The following POMK variants were observed in gnomAD, a reference collection of about 807,000 sequenced individuals.
The protein encoded by POMK is Sugen kinase 196.
A neutral mutation model predicts 23.0 loss-of-function variants in POMK; 19 were observed. The ratio of observed to expected loss-of-function variants is 0.83; its 90% CI spans 0.58 to 1.21. POMK has a LOEUF of 1.21. Ranked by LOEUF, POMK falls within the 50% of genes most tolerant of loss-of-function variation. The probability of loss-of-function intolerance (pLI) is 0.00; values close to 1 mark genes in which losing one functional copy is unlikely to be tolerated. For synonymous variants in POMK, 173 were observed against 171.6 expected (o/e 1.01, Z -0.06); for missense variants, 410 against 431.3 (o/e 0.95, Z 0.44).
At chr8:43,116,671 A>G (rs558961166) in intron 4 of POMK, among the ~76,000 whole-genome samples, 2 of 152,370 alleles carry the variant, frequency 1.3e-5, no homozygotes, top group Non-Finnish European at 2.9e-5. Context: ...GATCCCCCAC[A>G]TAATAAGAAA....
chr8:43,117,578 A>G (rs1811825179), intron 4 of POMK, among the ~76,000 whole-genome samples: 1 of 152,232 alleles, frequency 6.6e-6, no homozygotes, highest in African/African-American at 2.4e-5. Flanking sequence ...AAGAGCTCCC[A>G]GTAATTAATA....
intron 1 of POMK, among the ~76,000 whole-genome samples, chr8:43,096,671 CAAAAAAAGAAAAAAGA>C (rs1342078336): frequency 6.8e-6 from 1 of 147,872 alleles, no homozygotes; most frequent in African/African-American, 2.5e-5. Context: ...GACTCCTTCT[CAAAAAAAGAAAAAAGA>C]AAAAAAAGAA....
At chr8:43,096,184 A>G (rs1375611324) in intron 1 of POMK, among the ~76,000 whole-genome samples, 2 of 152,230 alleles carry the variant, frequency 1.3e-5, no homozygotes, top group Non-Finnish European at 2.9e-5. Flanking sequence ...GGGCCTGGGT[A>G]TCCCAGAAAG....
At chr8:43,117,527 C>T (rs188930615) in intron 4 of POMK, among the ~76,000 whole-genome samples, 6 of 152,088 alleles carry the variant, frequency 3.9e-5, no homozygotes, top group Admixed American at 3.3e-4. Flanking sequence ...AGTGGAACTG[C>T]GCAGTTCAAA....
chr8:43,117,315 A>G (rs1444901313), intron 4 of POMK, among the ~76,000 whole-genome samples: 1 of 152,232 alleles, frequency 6.6e-6, no homozygotes. Context: ...GAGAAATGTT[A>G]TTAAGAAAAA....
chr8:43,101,417 CAAAA>C (rs1156411465), intron 2 of POMK, among the ~76,000 whole-genome samples: 13 of 57,498 alleles, frequency 2.3e-4, no homozygotes, highest in East Asian at 5.7e-4. Context: ...GACCCTATGT[CAAAA>C]AAAAAAAAAA....
At chr8:43,117,561 A>G (rs776281823) in intron 4 of POMK, among the ~76,000 whole-genome samples, 1 of 152,140 alleles carries the variant, frequency 6.6e-6, no homozygotes, top group African/African-American at 2.4e-5. Context: ...AGGGTCAAGT[A>G]TATATAAAGA....
chr8:43,114,221 T>A (rs1324911988), intron 4 of POMK, among the ~76,000 whole-genome samples: 1 of 152,220 alleles, frequency 6.6e-6, no homozygotes. Flanking sequence ...AGGTGGAGCC[T>A]ACAGAGGCAG....
intron 4 of POMK, among the ~76,000 whole-genome samples, chr8:43,108,075 C>T (rs1395001669): frequency 3.3e-5 from 5 of 152,214 alleles, no homozygotes; most frequent in Non-Finnish European, 5.9e-5. Flanking sequence ...AAAGCTGAGT[C>T]CAGCCATAGG....
At chr8:43,095,731 C>G (rs955938880) in intron 1 of POMK, among the ~76,000 whole-genome samples, 2 of 152,190 alleles carry the variant, frequency 1.3e-5, no homozygotes, top group Non-Finnish European at 2.9e-5. Context: ...TGGCAAGAGG[C>G]TCAGCACTTT....
chr8:43,117,896 A>G (rs1276938716), intron 4 of POMK, among the ~76,000 whole-genome samples: 1 of 152,208 alleles, frequency 6.6e-6, no homozygotes, highest in African/African-American at 2.4e-5. Flanking sequence ...CTGTCTGCCT[A>G]CCTAGCTTAT....
At chr8:43,103,959 G>C (rs571809721) in intron 4 of POMK, 129 bp downstream of exon 4, 1 of 902,076 alleles carries the variant, frequency 1.1e-6, no homozygotes, top group East Asian at 2.6e-5. Flanking sequence ...GTACTCCATT[G>C]CATATGTGCA....
At chr8:43,113,275 CAT>C (rs1431654041) in intron 4 of POMK, among the ~76,000 whole-genome samples, 9 of 152,242 alleles carry the variant, frequency 5.9e-5, no homozygotes, top group African/African-American at 2.2e-4. Context: ...GGTCTTTTCA[CAT>C]AGTCTCATAT....
intron 4 of POMK, among the ~76,000 whole-genome samples, chr8:43,109,829 C>T (rs992589803): frequency 3.3e-5 from 5 of 152,178 alleles, no homozygotes; most frequent in Non-Finnish European, 5.9e-5. Flanking sequence ...GCGTGAGCCA[C>T]CACACCTGGC....
chr8:43,113,343 T>C lies in POMK; in HGVS notation c.283-8764T>C, dbSNP rs532927655. On this transcript the variant is annotated intron_variant, in intron 4 of 4. Coordinates refer to ENST00000331373, the MANE Select transcript of POMK (RefSeq NM_032237.5). ...TCTTTTTTCTCTAAACTTCCCTTCT[T>C]GCTTCATTTCTTTCATTTCGTCTTC... 1.4e-3 allele frequency among the ~76,000 whole-genome samples: 207 copies of C among 152,260 alleles called. 1 individual carries two copies. The highest frequency in any genetic ancestry group is 0.011 in the South Asian group (53 of 4,822).
In POMK at chr8:43,122,175, T is replaced by C; in HGVS notation, c.351T>C (p.Asp117=). 1.2e-6 allele frequency: 2 copies of C among 1,614,194 alleles called. No homozygotes were observed. The highest frequency in any genetic ancestry group is 1.7e-6 in the Non-Finnish European group (2 of 1,180,022). ...AGCTCACCAGCCTGGAGATGAAAGATGATTTCCTCCATGGACTGCAGATGC... is the reference window on the plus strand; with the variant it reads ...AGCTCACCAGCCTGGAGATGAAAGACGATTTCCTCCATGGACTGCAGATGC... ...LSQLTSLEMK[D]DFLHGLQMLK... Residue 117 remains aspartate (D), a synonymous_variant, in exon 5 of 5, where the codon GAT becomes GAC. Transcript: ENST00000331373.
At chr8:43,099,779 A>G (rs1481104945) in intron 2 of POMK, among the ~76,000 whole-genome samples, 1 of 152,042 alleles carries the variant, frequency 6.6e-6, no homozygotes, top group African/African-American at 2.4e-5. Context: ...TAGTAATAGG[A>G]GAGTGCAGGA....
At chr8:43,117,699 T>G (rs1459755135) in intron 4 of POMK, among the ~76,000 whole-genome samples, 1 of 152,246 alleles carries the variant, frequency 6.6e-6, no homozygotes, top group Non-Finnish European at 1.5e-5. Context: ...GCCTTATTAG[T>G]AATCAGGGAA....
intron 1 of POMK, among the ~76,000 whole-genome samples, chr8:43,094,918 G>A (rs142091570): frequency 1.3e-3 from 191 of 152,254 alleles, no homozygotes; most frequent in African/African-American, 4.5e-3. Context: ...GCTGTTTTCA[G>A]GACCAGTAAA....
Sources: gnomAD v4.1 joint callset for allele counts (sites outside exome capture counted in the v4.1 genomes callset) on GRCh38, gnomAD v4.1.1 for gene constraint, MANE v1.5 for transcripts, NCBI Gene and HGNC (gene_info 2026-07-23, HGNC 2026-07-21) for gene names.